ZNF143: variants seen among roughly 807,000 people sequenced by gnomAD.
ZNF143 encodes SPH-binding factor.
A neutral mutation model predicts 74.1 loss-of-function variants in ZNF143; 49 were observed. The observed-to-expected ratio is 0.66, with a 90% CI of 0.53 to 0.84. The LOEUF (loss-of-function observed/expected upper bound fraction) is 0.84. Ranked by LOEUF, ZNF143 falls within the 40% of genes least tolerant of loss-of-function variation. The pLI is 0.00. For missense variants in ZNF143, 637 were observed against 793.4 expected (o/e 0.80, Z 2.37); for synonymous variants, 304 against 282.8 (o/e 1.07, Z -0.75).
At chr11:9,466,493 A>G (rs1301880403) in intron 1 of ZNF143, among the ~76,000 whole-genome samples, 2 of 150,800 alleles carry the variant, frequency 1.3e-5, no homozygotes. Context: ...ACTGGGTTTC[A>G]CCATGTTGGC....
At chr11:9,478,153 G>T in intron 5 of ZNF143, among the ~76,000 whole-genome samples, 1 of 152,144 alleles carries the variant, frequency 6.6e-6, no homozygotes, top group Non-Finnish European at 1.5e-5. Flanking sequence ...TTTTCTGATT[G>T]CTAAGGAAAG....
chr11:9,475,380 C>T (rs896465002), intron 5 of ZNF143, among the ~76,000 whole-genome samples: 2 of 152,174 alleles, frequency 1.3e-5, no homozygotes, highest in African/African-American at 4.8e-5. Context: ...CTGCCTCAGC[C>T]TCCTGAGCAG....
At position 9,496,922 on chromosome 11, in the gene ZNF143, A is replaced by G. The variant is rs991842139; in HGVS notation, c.841+544A>G. Among the ~76,000 whole-genome samples, 10 of 151,522 alleles carry G rather than the reference A, an allele frequency of 6.6e-5. No homozygotes were observed. The East Asian group carries it at 1.8e-3, about 27-fold the overall frequency. ...CTGCCTGCTGTGTTTGATACTTTTC[A>G]CTCCTCCACATTCTGTTTATTTTAG... On this transcript the variant is annotated intron_variant, in intron 9 of 15. Transcript: ENST00000396602.
At position 9,527,768 on chromosome 11, in the gene ZNF143, CTT is replaced by C; in HGVS notation, c.*158_*159del. ...AGTGGAGAACATTTTATTCTTGACACTTTTGTGTATATAACCCTTGGAATAGA... is the reference window on the plus strand; with the variant it reads ...AGTGGAGAACATTTTATTCTTGACACTTGTGTATATAACCCTTGGAATAGA... On this transcript the variant is annotated 3_prime_UTR_variant, in exon 16 of 16. Transcript: ENST00000396602. 1.6e-6 allele frequency: 1 copy of C among 639,598 alleles called. No homozygotes were observed. Among genetic ancestry groups the C allele is most frequent in the Non-Finnish European group, 2.7e-6 (1 of 369,454 alleles). 39.6% of individuals were successfully genotyped at this position (639,598 alleles called of 1,614,324 possible). A position where few individuals can be genotyped will look rare whatever the true frequency, so the allele number is the denominator to read the frequency against.
At chr11:9,487,705 G>T (rs1847614349) in intron 7 of ZNF143, among the ~76,000 whole-genome samples, 1 of 152,130 alleles carries the variant, frequency 6.6e-6, no homozygotes, top group South Asian at 2.1e-4. Flanking sequence ...AAATACCAGT[G>T]AAGTCATTTT....
At chr11:9,512,167 C>G (rs1232189065) in intron 12 of ZNF143, among the ~76,000 whole-genome samples, 1 of 152,088 alleles carries the variant, frequency 6.6e-6, no homozygotes, top group African/African-American at 2.4e-5. Flanking sequence ...CATATAGTAT[C>G]AAGTAATTAC....
At chr11:9,485,587 T>G (rs751303939) in intron 7 of ZNF143, among the ~76,000 whole-genome samples, 1 of 151,436 alleles carries the variant, frequency 6.6e-6, no homozygotes, top group Non-Finnish European at 1.5e-5. Flanking sequence ...CCTCAAGTGA[T>G]CCACCTGGCT....
chr11:9,484,907 C>T (rs888806331), intron 7 of ZNF143, among the ~76,000 whole-genome samples: 4 of 145,332 alleles, frequency 2.8e-5, no homozygotes, highest in African/African-American at 1.0e-4. Flanking sequence ...ACGCCATTCT[C>T]CTGCTTCAGC....
chr11:9,517,054 A>G (rs922288362), intron 14 of ZNF143, among the ~76,000 whole-genome samples: 2 of 152,104 alleles, frequency 1.3e-5, no homozygotes, highest in Non-Finnish European at 2.9e-5. Flanking sequence ...AGCTGAGACT[A>G]CAGGTGTGCA....
At chr11:9,478,795 A>G (rs1310412426) in intron 6 of ZNF143, among the ~76,000 whole-genome samples, 5 of 152,184 alleles carry the variant, frequency 3.3e-5, no homozygotes, top group Non-Finnish European at 7.3e-5. Context: ...TCTCAAATTC[A>G]GAAATTAAAA....
At chr11:9,481,915 A>C (rs1847254991) in intron 7 of ZNF143, among the ~76,000 whole-genome samples, 2 of 151,618 alleles carry the variant, frequency 1.3e-5, no homozygotes, top group East Asian at 3.9e-4. Flanking sequence ...TCAGAACTCA[A>C]AACGTAACTA....
intron 1 of ZNF143, among the ~76,000 whole-genome samples, chr11:9,468,306 C>G (rs948119294): frequency 2.8e-4 from 43 of 152,200 alleles, no homozygotes; most frequent in African/African-American, 1.0e-3. Context: ...AATGACTAGA[C>G]CTAGATGTTC....
At chr11:9,517,864 A>C (rs1392710132) in intron 14 of ZNF143, among the ~76,000 whole-genome samples, 2 of 152,200 alleles carry the variant, frequency 1.3e-5, no homozygotes, top group African/African-American at 2.4e-5. Flanking sequence ...ACTAACAATG[A>C]AAGAAAAAAC....
At chr11:9,527,405 T>C in intron 15 of ZNF143, 125 bp from the exon 16 acceptor site, 2 of 829,552 alleles carry the variant, frequency 2.4e-6, no homozygotes, top group Non-Finnish European at 3.9e-6. Context: ...GCAGTAGTAT[T>C]TTAACAATCC....
intron 14 of ZNF143, 164 bp from the exon 15 acceptor site, chr11:9,525,076 A>T (rs1707144128): frequency 1.3e-6 from 1 of 789,068 alleles, no homozygotes; most frequent in Non-Finnish European, 1.9e-6. Flanking sequence ...ATGAGCCTCA[A>T]CTTCCTCAAA....
At chr11:9,475,908 ATATG>A (rs1395504199) in intron 5 of ZNF143, among the ~76,000 whole-genome samples, 265 of 117,648 alleles carry the variant, frequency 2.3e-3, no homozygotes, top group African/African-American at 5.9e-3. Flanking sequence ...AAAAAAATAT[ATATG>A]TGTGTGTGTG....
chr11:9,497,287 G>T (rs1323665761), intron 9 of ZNF143, among the ~76,000 whole-genome samples: 1 of 152,194 alleles, frequency 6.6e-6, no homozygotes, highest in Non-Finnish European at 1.5e-5. Flanking sequence ...CTGGAGTGCA[G>T]TGACGTGATC....
chr11:9,513,292 GCT>G (rs1320119997), intron 13 of ZNF143, among the ~76,000 whole-genome samples: 2 of 152,132 alleles, frequency 1.3e-5, no homozygotes, highest in African/African-American at 4.8e-5. Context: ...TGATTAATAT[GCT>G]CTGTTTTGAT....
intron 14 of ZNF143, among the ~76,000 whole-genome samples, chr11:9,518,935 C>G (rs1309053765): frequency 6.6e-6 from 1 of 152,102 alleles, no homozygotes; most frequent in African/African-American, 2.4e-5. Context: ...AAGTTAAATT[C>G]TGTTTATTTT....
Sources: allele counts gnomAD v4.1 joint callset (sites outside exome capture counted in the v4.1 genomes callset), GRCh38; gene constraint gnomAD v4.1.1; transcripts MANE v1.5; gene names NCBI Gene and HGNC (gene_info 2026-07-23, HGNC 2026-07-21).